The following CACNA2D3 variants were observed in gnomAD, a reference collection of about 807,000 sequenced individuals.
CACNA2D3 encodes the protein voltage-dependent calcium channel subunit alpha-2/delta-3.
In CACNA2D3, 60 loss-of-function variants were observed where a neutral mutation model predicts 160.6. The ratio of observed to expected loss-of-function variants is 0.37; its 90% confidence interval spans 0.30 to 0.46. CACNA2D3 has a LOEUF of 0.46. Among genes scored for constraint, CACNA2D3 ranks in the 20% least tolerant of loss-of-function variants. CACNA2D3 has a pLI of 1.00. For synonymous variants in CACNA2D3, 558 were observed against 492.9 expected (o/e 1.13, Z -1.75); for missense variants, 1,205 against 1,365.0 (o/e 0.88, Z 1.85).
chr3:55,072,860 C>G (rs1704843258), intron 35 of CACNA2D3, among the ~76,000 whole-genome samples: 2 of 152,178 alleles, frequency 1.3e-5, no homozygotes. Flanking sequence ...TTGGCTCTTT[C>G]TTATAGAACT....
rs551029844 is a variant in CACNA2D3 at position 54,608,274 on chromosome 3, T to G, written c.964-19513T>G. On this transcript the variant is annotated intron_variant, in intron 9 of 37. Coordinates refer to ENST00000474759, the MANE Select transcript of CACNA2D3 (RefSeq NM_018398.3). ...GATGTTATCATTGGGGGAAGCTGGG[T>G]GAAGGGCACAGGAACTTTCTGATAC... Among the ~76,000 whole-genome samples, 208 of 152,348 alleles carry G rather than the reference T, an allele frequency of 1.4e-3. 1 individual carries two copies. The highest frequency in any genetic ancestry group is 4.7e-3 in the African/African-American group (197 of 41,596).
intron 3 of CACNA2D3, among the ~76,000 whole-genome samples, chr3:54,350,011 T>C (rs989137853): frequency 7.9e-5 from 12 of 152,226 alleles, no homozygotes; most frequent in African/African-American, 2.9e-4. Flanking sequence ...GTGCCTCTTT[T>C]GACATTTTAT....
chr3:54,336,475 A>C (rs1704381420), intron 3 of CACNA2D3, among the ~76,000 whole-genome samples: 1 of 152,232 alleles, frequency 6.6e-6, no homozygotes, highest in South Asian at 2.1e-4. Flanking sequence ...GTGAATGAGC[A>C]TCAGGCCGGT....
intron 27 of CACNA2D3, among the ~76,000 whole-genome samples, chr3:54,929,148 A>G (rs144902710): frequency 1.3e-5 from 2 of 152,252 alleles, no homozygotes; most frequent in East Asian, 3.9e-4. Context: ...TGGCTCCACC[A>G]TCACCAGCTG....
chr3:54,489,178 T>C lies in CACNA2D3; in HGVS notation c.382-14314T>C, dbSNP rs373889120. On this transcript the variant is annotated intron_variant, in intron 4 of 37. Transcript: ENST00000474759. ...GTGCTAAGGATCTTGTCTTGTGTCC[T>C]AAGAGCAGGAAAAAGTCCCTGAAGG... 8.5e-5 allele frequency among the ~76,000 whole-genome samples: 13 copies of C among 152,244 alleles called. No homozygotes were observed. In the East Asian group the frequency reaches 2.3e-3, roughly 27 times the overall value.
At chr3:54,894,558 T>C (rs1269226165) in intron 25 of CACNA2D3, 1 of 504,082 alleles carries the variant, frequency 2.0e-6, no homozygotes, top group Non-Finnish European at 4.0e-6. Flanking sequence ...TGGGCATCAT[T>C]AACCTGTGCT....
intron 11 of CACNA2D3, among the ~76,000 whole-genome samples, chr3:54,646,569 A>G (rs374947436): frequency 6.6e-6 from 1 of 152,150 alleles, no homozygotes; most frequent in East Asian, 2.0e-4. Context: ...CCTCCAAAGG[A>G]CATGATCTTT....
At chr3:54,740,195 A>G (rs921488332) in intron 11 of CACNA2D3, among the ~76,000 whole-genome samples, 2 of 152,146 alleles carry the variant, frequency 1.3e-5, no homozygotes, top group East Asian at 3.9e-4. Context: ...GCCAGTTTGC[A>G]CTTGCAAAGA....
chr3:54,752,615 A>G lies in CACNA2D3; in HGVS notation c.1184A>G (p.Tyr395Cys). The G allele has an allele frequency of 6.2e-7, 1 of 1,613,354 alleles. No homozygotes were observed. Among genetic ancestry groups the G allele is most frequent in the Non-Finnish European group, 8.5e-7 (1 of 1,179,668 alleles). ...TCCCTTCAGGTTCGCATCTTCACAT[A>G]CCTCATTGGACGAGAGGCTGCGTTT... ...WPDRKVRIFT[Y>C]LIGREAAFAD... is the part of the protein sequence containing the mutation. The change falls in exon 12 of 38, where the codon TAC becomes TGC. Residue 395 changes from tyrosine to cysteine, a missense_variant. Coordinates refer to ENST00000474759, the MANE Select transcript of CACNA2D3 (RefSeq NM_018398.3).
At chr3:55,003,621 T>TAAAA (rs1703029868) in intron 31 of CACNA2D3, among the ~76,000 whole-genome samples, 1 of 152,158 alleles carries the variant, frequency 6.6e-6, no homozygotes. Flanking sequence ...ACTTGAGGGA[T>TAAAA]AATAAATGAT....
At chr3:54,476,009 C>A (rs1700824172) in intron 4 of CACNA2D3, among the ~76,000 whole-genome samples, 1 of 150,702 alleles carries the variant, frequency 6.6e-6, no homozygotes, top group Non-Finnish European at 1.5e-5. Context: ...CCACTCTCAG[C>A]CCCTGGCAAC....
intron 34 of CACNA2D3, among the ~76,000 whole-genome samples, chr3:55,010,463 A>G (rs973952943): frequency 2.0e-5 from 3 of 152,214 alleles, no homozygotes; most frequent in African/African-American, 4.8e-5. Context: ...GACCATGACA[A>G]TGATGATGAT....
chr3:54,185,586 C>T (rs1446648103), intron 2 of CACNA2D3, among the ~76,000 whole-genome samples: 1 of 152,076 alleles, frequency 6.6e-6, no homozygotes, highest in Non-Finnish European at 1.5e-5. Context: ...AACACTAAAT[C>T]CTGTAGACCA....
chr3:54,544,735 G>GA (rs1372703653), intron 5 of CACNA2D3, among the ~76,000 whole-genome samples: 9 of 152,076 alleles, frequency 5.9e-5, no homozygotes, highest in Non-Finnish European at 1.3e-4. Flanking sequence ...TGTAACCCTT[G>GA]ACCTGGCATC....
chr3:54,536,610 G>A (rs961961566), intron 5 of CACNA2D3, among the ~76,000 whole-genome samples: 2 of 152,332 alleles, frequency 1.3e-5, no homozygotes, highest in African/African-American at 4.8e-5. Flanking sequence ...TCACTTTGCT[G>A]CTGCTCTGTG....
intron 11 of CACNA2D3, among the ~76,000 whole-genome samples, chr3:54,647,365 C>T (rs1220142848): frequency 6.6e-6 from 1 of 152,194 alleles, no homozygotes; most frequent in African/African-American, 2.4e-5. Flanking sequence ...ATCCGCAAGC[C>T]TAGTGGCTTA....
chr3:55,061,535 A>G (rs1250185978), intron 35 of CACNA2D3, among the ~76,000 whole-genome samples: 2 of 152,214 alleles, frequency 1.3e-5, no homozygotes, highest in South Asian at 2.1e-4. Flanking sequence ...AGCTTAAACA[A>G]TACAGGGAAA....
chr3:54,274,694 C>T (rs72986056), intron 2 of CACNA2D3, among the ~76,000 whole-genome samples: 5,941 of 152,302 alleles, frequency 0.039, 422 homozygotes, highest in African/African-American at 0.14. Flanking sequence ...ACAGGCTGCA[C>T]TCAAGGTGTC....
intron 4 of CACNA2D3, among the ~76,000 whole-genome samples, chr3:54,481,520 G>T (rs76648639): frequency 6.6e-6 from 1 of 152,192 alleles, no homozygotes; most frequent in Non-Finnish European, 1.5e-5. Context: ...CAGTTGGAGC[G>T]TGTGAAATGA....
Sources: gnomAD v4.1 joint callset for allele counts (sites outside exome capture counted in the v4.1 genomes callset) on GRCh38, gnomAD v4.1.1 for gene constraint, MANE v1.5 for transcripts, NCBI Gene and HGNC (gene_info 2026-07-23, HGNC 2026-07-21) for gene names.